RGS6: variants seen among roughly 807,000 people sequenced by gnomAD.
RGS6 encodes the protein regulator of G-protein signaling 6.
Under a neutral mutation model 78.5 loss-of-function variants are expected in RGS6, and 30 were observed. That is an observed-to-expected ratio of 0.38 (90% CI 0.29 to 0.52). The LOEUF (loss-of-function observed/expected upper bound fraction) is 0.52. Ranked by LOEUF, RGS6 falls within the 20% of genes least tolerant of loss-of-function variation. RGS6 has a pLI of 0.85. For missense variants in RGS6, 495 were observed against 609.7 expected (o/e 0.81, Z 1.98); for synonymous variants, 206 against 206.0 (o/e 1.00, Z 0.00).
chr14:72,288,494 G>A (rs2062995063), intron 2 of RGS6, among the ~76,000 whole-genome samples: 1 of 152,236 alleles, frequency 6.6e-6, no homozygotes, highest in Non-Finnish European at 1.5e-5. Context: ...GTTTGACTGG[G>A]ATGGAAGAAG....
At chr14:72,369,487 A>G (rs1252625549) in intron 3 of RGS6, among the ~76,000 whole-genome samples, 1 of 152,248 alleles carries the variant, frequency 6.6e-6, no homozygotes, top group African/African-American at 2.4e-5. Context: ...CAGCAGCCAT[A>G]GAAAACTAAT....
Position 72,550,710 on chromosome 14 carries a change from T to G in RGS6, c.1422+10616T>G, listed in dbSNP as rs574398138. 2.9e-4 allele frequency: 401 copies of G among 1,361,780 alleles called. 2 individuals are homozygous for G. The highest frequency in any genetic ancestry group is 9.7e-4 in the Middle Eastern group (5 of 5,142). The allele number at this position is 1,361,780 out of a possible 1,614,324, so 84.4% of individuals were successfully genotyped here. A position where few individuals can be genotyped will look rare whatever the true frequency, so the allele number is the denominator to read the frequency against. On this transcript the variant is annotated intron_variant, in intron 17 of 17. Transcript: ENST00000553525. ...TGTGAGTCATCACAATCCGGTGGTTTTACACCTGATGGAGGTTTTACACCT... is the reference window on the plus strand; with the variant it reads ...TGTGAGTCATCACAATCCGGTGGTTGTACACCTGATGGAGGTTTTACACCT...
chr14:72,293,400 A>T (rs543900377), intron 2 of RGS6, among the ~76,000 whole-genome samples: 10 of 152,260 alleles, frequency 6.6e-5, no homozygotes, highest in South Asian at 2.1e-4. Context: ...ATGTTCTTCA[A>T]ATTGTGATGG....
intron 2 of RGS6, among the ~76,000 whole-genome samples, chr14:72,006,952 C>T (rs1036083835): frequency 6.6e-6 from 1 of 151,974 alleles, no homozygotes; most frequent in African/African-American, 2.4e-5. Flanking sequence ...GAGGAGGCTG[C>T]CATTGAAGGC....
At chr14:72,063,464 A>C (rs1325824988) in intron 2 of RGS6, among the ~76,000 whole-genome samples, 1 of 152,198 alleles carries the variant, frequency 6.6e-6, no homozygotes, top group Non-Finnish European at 1.5e-5. Context: ...AGCTTGATTG[A>C]AGCTGGTTCA....
At chr14:71,953,209 A>G (rs1337664125) in intron 1 of RGS6, among the ~76,000 whole-genome samples, 1 of 152,110 alleles carries the variant, frequency 6.6e-6, no homozygotes, top group African/African-American at 2.4e-5. Flanking sequence ...ACGCAACTTG[A>G]CCTTCCCAGG....
chr14:72,070,064 TACTAA>T (rs1477006182), intron 2 of RGS6, among the ~76,000 whole-genome samples: 2 of 152,302 alleles, frequency 1.3e-5, no homozygotes, highest in African/African-American at 4.8e-5. Flanking sequence ...TCTAAACTGT[TACTAA>T]ACTATACATT....
chr14:72,613,375 T>C, the RGS6 span, among the ~76,000 whole-genome samples: 1 of 152,188 alleles, frequency 6.6e-6, no homozygotes, highest in African/African-American at 2.4e-5. Flanking sequence ...TATATCTCTG[T>C]CCAAGAGGGT....
the RGS6 span, among the ~76,000 whole-genome samples, chr14:71,900,861 T>C: frequency 6.6e-6 from 1 of 152,048 alleles, no homozygotes; most frequent in Admixed American, 6.6e-5. Flanking sequence ...AAGCTTACAG[T>C]CATGGCAGAA....
chr14:72,119,953 C>G (rs1469428977), intron 2 of RGS6, among the ~76,000 whole-genome samples: 1 of 152,082 alleles, frequency 6.6e-6, no homozygotes, highest in Non-Finnish European at 1.5e-5. Context: ...TGGAGTGTTG[C>G]CTATTTTGTT....
At chr14:72,244,413 G>A (rs188829857) in intron 2 of RGS6, among the ~76,000 whole-genome samples, 1 of 152,216 alleles carries the variant, frequency 6.6e-6, no homozygotes, top group East Asian at 1.9e-4. Flanking sequence ...GCCCATTACT[G>A]TATGATGCTA....
At chr14:72,581,315 C>T in the RGS6 span, among the ~76,000 whole-genome samples, 1 of 152,102 alleles carries the variant, frequency 6.6e-6, no homozygotes, top group East Asian at 1.9e-4. Flanking sequence ...CATTTTTTCC[C>T]TCATCTGCCT....
the RGS6 span, among the ~76,000 whole-genome samples, chr14:72,620,829 T>A: frequency 6.6e-6 from 1 of 152,258 alleles, no homozygotes; most frequent in Non-Finnish European, 1.5e-5. Flanking sequence ...GCCTGGCATG[T>A]GGTAGACATC....
intron 1 of RGS6, among the ~76,000 whole-genome samples, chr14:71,942,635 C>T (rs36318): frequency 0.63 from 95,240 of 152,070 alleles, 30,611 homozygotes; most frequent in Non-Finnish European, 0.66. Flanking sequence ...TTCTTTACCA[C>T]TTCCCTCTGG....
chr14:71,930,786 C>T (rs1403076322), upstream of RGS6, among the ~76,000 whole-genome samples: 1 of 151,492 alleles, frequency 6.6e-6, no homozygotes, highest in Non-Finnish European at 1.5e-5. Flanking sequence ...AATTTGAGAC[C>T]AGCTTGGCCA....
intron 2 of RGS6, among the ~76,000 whole-genome samples, chr14:72,009,056 C>A (rs766920401): frequency 7.9e-5 from 12 of 152,222 alleles, no homozygotes; most frequent in Non-Finnish European, 1.5e-4. Context: ...AATGAGCAAC[C>A]CTCAGTAAAA....
At chr14:72,379,360 G>T (rs1441530349) in intron 3 of RGS6, among the ~76,000 whole-genome samples, 1 of 151,976 alleles carries the variant, frequency 6.6e-6, no homozygotes, top group African/African-American at 2.4e-5. Context: ...TAAATAAAGG[G>T]CATCCAAATT....
At chr14:72,548,432 TAAAA>T (rs879485387) in intron 17 of RGS6, among the ~76,000 whole-genome samples, 1 of 146,642 alleles carries the variant, frequency 6.8e-6, no homozygotes, top group African/African-American at 2.5e-5. Flanking sequence ...AAATCAAGTT[TAAAA>T]AAAAAAAATT....
intron 2 of RGS6, among the ~76,000 whole-genome samples, chr14:72,242,819 T>A (rs1567559788): frequency 6.6e-6 from 1 of 151,232 alleles, no homozygotes; most frequent in Non-Finnish European, 1.5e-5. Flanking sequence ...ATACAGTATT[T>A]TTCCAACTTC....
Sources: gnomAD v4.1 joint callset for allele counts (sites outside exome capture counted in the v4.1 genomes callset) on GRCh38, gnomAD v4.1.1 for gene constraint, MANE v1.5 for transcripts, NCBI Gene and HGNC (gene_info 2026-07-23, HGNC 2026-07-21) for gene names.